The following CTNNA3 variants were observed in gnomAD, a reference collection of about 807,000 sequenced individuals.
CTNNA3 encodes catenin alpha 3, also known as catenin alpha-3.
A neutral mutation model predicts 95.7 loss-of-function variants in CTNNA3; 76 were observed. The ratio of observed to expected loss-of-function variants is 0.79; its 90% CI spans 0.66 to 0.96. CTNNA3 has a LOEUF of 0.96. CTNNA3 is among the 40% of genes least tolerant of loss of function. The pLI is 0.00. For missense variants in CTNNA3, 1,191 were observed against 1,089.8 expected (o/e 1.09, Z -1.31); for synonymous variants, 431 against 374.4 (o/e 1.15, Z -1.74).
At chr10:66,341,292 T>C (rs1406976756) in intron 12 of CTNNA3, among the ~76,000 whole-genome samples, 1 of 151,888 alleles carries the variant, frequency 6.6e-6, no homozygotes, top group Admixed American at 6.6e-5. Context: ...GTTTACTAAA[T>C]GCAAATAAAA....
chr10:67,731,288 C>T (rs1841272274), intron 1 of CTNNA3, among the ~76,000 whole-genome samples: 1 of 152,070 alleles, frequency 6.6e-6, no homozygotes, highest in Non-Finnish European at 1.5e-5. Context: ...GAGACTGAGG[C>T]AGAAGGATCA....
intron 1 of CTNNA3, among the ~76,000 whole-genome samples, chr10:67,701,454 G>C (rs1438477077): frequency 1.3e-5 from 2 of 152,214 alleles, no homozygotes; most frequent in East Asian, 3.8e-4. Flanking sequence ...AGCCAGAAGA[G>C]AGTGGAGGCC....
intron 4 of CTNNA3, among the ~76,000 whole-genome samples, chr10:67,527,958 C>T (rs756420761): frequency 6.6e-5 from 10 of 152,206 alleles, no homozygotes; most frequent in African/African-American, 1.2e-4. Flanking sequence ...CACCACAATG[C>T]TCCTGCTCAT....
chr10:66,926,296 A>C, intron 7 of CTNNA3: 1 of 478,434 alleles, frequency 2.1e-6, no homozygotes, highest in Non-Finnish European at 3.8e-6. Context: ...CACCCCCCAA[A>C]AAACTGTAAA....
chr10:66,809,038 T>C (rs1038353066), intron 7 of CTNNA3, among the ~76,000 whole-genome samples: 1 of 152,212 alleles, frequency 6.6e-6, no homozygotes, highest in South Asian at 2.1e-4. Flanking sequence ...TCCACGACTA[T>C]GTATTATATG....
intron 6 of CTNNA3, among the ~76,000 whole-genome samples, chr10:67,187,252 T>C (rs947481240): frequency 1.3e-5 from 2 of 152,158 alleles, no homozygotes; most frequent in Non-Finnish European, 2.9e-5. Flanking sequence ...CCAACCATTT[T>C]GTGGGGTATT....
At chr10:66,199,807 T>TA (rs2087269612) in intron 13 of CTNNA3, among the ~76,000 whole-genome samples, 21 of 14,876 alleles carry the variant, frequency 1.4e-3, no homozygotes, top group South Asian at 9.5e-3. Context: ...ATATATATAT[T>TA]TTTTTTTTTT....
intron 11 of CTNNA3, among the ~76,000 whole-genome samples, chr10:66,490,813 T>C (rs1301044792): frequency 1.3e-5 from 2 of 152,182 alleles, no homozygotes; most frequent in East Asian, 1.9e-4. Context: ...TTTCAAGATA[T>C]AGTCTTCATC....
At chr10:67,233,300 T>C (rs1427734005) in intron 5 of CTNNA3, among the ~76,000 whole-genome samples, 2 of 151,654 alleles carry the variant, frequency 1.3e-5, no homozygotes, top group African/African-American at 4.8e-5. Flanking sequence ...ACAGAAATTA[T>C]AACAAACTAT....
At chr10:66,264,675 G>A (rs1317435693) in intron 13 of CTNNA3, among the ~76,000 whole-genome samples, 1 of 151,914 alleles carries the variant, frequency 6.6e-6, no homozygotes, top group Non-Finnish European at 1.5e-5. Flanking sequence ...TGCTTGATAA[G>A]TCACATGTAA....
intron 3 of CTNNA3, among the ~76,000 whole-genome samples, chr10:67,541,573 C>T (rs1840686241): frequency 6.6e-6 from 1 of 151,964 alleles, no homozygotes; most frequent in East Asian, 1.9e-4. Flanking sequence ...CCTTCAATGT[C>T]CTTATCTATA....
intron 13 of CTNNA3, among the ~76,000 whole-genome samples, chr10:66,146,567 G>T (rs532114597): frequency 6.6e-6 from 1 of 152,064 alleles, no homozygotes; most frequent in South Asian, 2.1e-4. Flanking sequence ...TGGTTGGTTG[G>T]TTTTTTGAGC....
At chr10:66,183,006 C>T (rs2086136640) in intron 13 of CTNNA3, among the ~76,000 whole-genome samples, 1 of 152,160 alleles carries the variant, frequency 6.6e-6, no homozygotes, top group Non-Finnish European at 1.5e-5. Flanking sequence ...TGTTCACTAT[C>T]ACAGAGGACT....
chr10:66,316,659 A>T (rs1229258791), intron 12 of CTNNA3, among the ~76,000 whole-genome samples: 1 of 151,932 alleles, frequency 6.6e-6, no homozygotes, highest in Non-Finnish European at 1.5e-5. Flanking sequence ...CCCTATAGAC[A>T]CCAGAGAATG....
chr10:66,934,197 G>C (rs953849666), intron 7 of CTNNA3, among the ~76,000 whole-genome samples: 4 of 151,954 alleles, frequency 2.6e-5, no homozygotes, highest in African/African-American at 9.7e-5. Context: ...AAGAAAAACA[G>C]CTTCTATCTT....
intron 12 of CTNNA3, among the ~76,000 whole-genome samples, chr10:66,309,041 G>C (rs1413530472): frequency 6.6e-6 from 1 of 152,094 alleles, no homozygotes; most frequent in Admixed American, 6.6e-5. Flanking sequence ...AATTCAAAAA[G>C]AGTTCTCTAT....
rs749879432 is a variant in CTNNA3, at chr10:66,318,274, A to ATGTGTGTGTGTG, written c.1733-37654_1733-37653insCACACACACACA. Among the ~76,000 whole-genome samples, 2 of 83,670 alleles carry ATGTGTGTGTGTG rather than the reference A, an allele frequency of 2.4e-5. 1 individual carries two copies. The highest frequency in any genetic ancestry group is 5.8e-5 in the Non-Finnish European group (2 of 34,736). 54.9% of individuals were successfully genotyped at this position (83,670 alleles called of 152,430 possible). A position where few individuals can be genotyped will look rare whatever the true frequency, so the allele number is the denominator to read the frequency against. On this transcript the variant is annotated intron_variant, in intron 12 of 17. Transcript: ENST00000433211. ...GAGTTGCTGGGAGATATATATATAT[A>ATGTGTGTGTGTG]TATGTGTGTGTGTGTGTGTGTGTGT...
chr10:66,821,989 G>GT (rs1410895220), intron 7 of CTNNA3, among the ~76,000 whole-genome samples: 3 of 151,614 alleles, frequency 2.0e-5, no homozygotes, highest in African/African-American at 4.8e-5. Flanking sequence ...GAAGCACACT[G>GT]TTTAAATTTT....
chr10:66,588,913 G>A (rs564262755), intron 10 of CTNNA3, among the ~76,000 whole-genome samples: 93 of 149,242 alleles, frequency 6.2e-4, no homozygotes, highest in Middle Eastern at 3.4e-3. Context: ...GATAAAAGAA[G>A]GTCTCTGTGT....
Sources: gnomAD v4.1 joint callset for allele counts (sites outside exome capture counted in the v4.1 genomes callset) on GRCh38, gnomAD v4.1.1 for gene constraint, MANE v1.5 for transcripts, NCBI Gene and HGNC (gene_info 2026-07-23, HGNC 2026-07-21) for gene names.